The following SEC22A variants were observed in gnomAD, a reference collection of about 807,000 sequenced individuals.
SEC22A encodes the protein vesicle-trafficking protein SEC22a.
A neutral mutation model predicts 35.3 loss-of-function variants in SEC22A; 22 were observed. The observed-to-expected ratio is 0.62, with a 90% CI of 0.45 to 0.89. The LOEUF is 0.89. Among genes scored for constraint, SEC22A ranks in the 40% least tolerant of loss-of-function variants. The pLI is 0.00. For missense variants in SEC22A, 354 were observed against 362.5 expected (o/e 0.98, Z 0.19); for synonymous variants, 119 against 129.5 (o/e 0.92, Z 0.55).
chr3:123,226,730 T>G (rs74475554), intron 4 of SEC22A, among the ~76,000 whole-genome samples: 59 of 152,302 alleles, frequency 3.9e-4, no homozygotes, highest in African/African-American at 1.3e-3. Flanking sequence ...ATAATGCAAT[T>G]TGTCCACTTT....
chr3:123,269,459 T>C (rs1267404421), intron 6 of SEC22A, among the ~76,000 whole-genome samples: 1 of 151,890 alleles, frequency 6.6e-6, no homozygotes, highest in East Asian at 1.9e-4. Context: ...CCTTATTAAG[T>C]GATCTAATTT....
intron 3 of SEC22A, 79 bp downstream of exon 3, chr3:123,223,801 G>T: frequency 1.0e-6 from 1 of 1,004,836 alleles, no homozygotes; most frequent in Admixed American, 2.3e-5. Flanking sequence ...ATTGGGTGGA[G>T]GGGGGACTTC....
intron 3 of SEC22A, among the ~76,000 whole-genome samples, chr3:123,224,102 A>C (rs887577267): frequency 6.6e-6 from 1 of 152,212 alleles, no homozygotes; most frequent in Non-Finnish European, 1.5e-5. Flanking sequence ...TTTAAGGATC[A>C]TATAGTCCCT....
chr3:123,234,375 T>C (rs1937379629), intron 4 of SEC22A, among the ~76,000 whole-genome samples: 1 of 152,168 alleles, frequency 6.6e-6, no homozygotes, highest in Admixed American at 6.5e-5. Context: ...CCAAACTTAT[T>C]ACCAACCTAC....
At chr3:123,223,154 G>C (rs1937159007) in intron 2 of SEC22A, among the ~76,000 whole-genome samples, 1 of 152,182 alleles carries the variant, frequency 6.6e-6, no homozygotes, top group Non-Finnish European at 1.5e-5. Flanking sequence ...CTGTGTTCTG[G>C]CATCTTTCTA....
chr3:123,208,653 G>T (rs778875007), intron 1 of SEC22A: 1 of 152,810 alleles, frequency 6.5e-6, no homozygotes, highest in African/African-American at 2.4e-5. Context: ...CTGGATGGGG[G>T]ATGTTGCAGT....
intron 5 of SEC22A, among the ~76,000 whole-genome samples, chr3:123,248,358 A>G (rs891005578): frequency 6.6e-6 from 1 of 152,216 alleles, no homozygotes; most frequent in Non-Finnish European, 1.5e-5. Flanking sequence ...AATAGCAAAA[A>G]CCTGGGATTA....
intron 1 of SEC22A, among the ~76,000 whole-genome samples, chr3:123,207,819 G>A (rs6787080): frequency 0.045 from 6,781 of 152,240 alleles, 239 homozygotes; most frequent in African/African-American, 0.096. Context: ...TTTTTGTAAA[G>A]CAAGAAGAGA....
rs181353876 is a variant in SEC22A, at chr3:123,273,297, T to G, written c.*1575T>G. The stretch of plus-strand genomic sequence containing the variant: ...TTAACTAGAACCTTAGTCTGCACCC[T>G]CCTTTTAGGAGAATGAGGTAAAAGG... On this transcript the variant is annotated 3_prime_UTR_variant, in exon 7 of 7. Coordinates refer to ENST00000492595, the MANE Select transcript of SEC22A (RefSeq NM_012430.5). 6.6e-6 allele frequency: 1 copy of G among 152,232 alleles called. No individual in the cohort carries two copies. The highest frequency in any genetic ancestry group is 2.4e-5 in the African/African-American group (1 of 41,454). The allele number at this position is 152,232 out of a possible 1,614,324, so 9.4% of individuals were successfully genotyped here. A position where few individuals can be genotyped will look rare whatever the true frequency, so the allele number is the denominator to read the frequency against.
chr3:123,253,328 G>A (rs754910517), intron 5 of SEC22A, among the ~76,000 whole-genome samples: 8 of 152,168 alleles, frequency 5.3e-5, no homozygotes, highest in Non-Finnish European at 1.0e-4. Context: ...TTCTAAAATT[G>A]TTTGTAAAAG....
At chr3:123,223,960 TC>T (rs1460603749) in intron 3 of SEC22A, among the ~76,000 whole-genome samples, 7 of 152,204 alleles carry the variant, frequency 4.6e-5, no homozygotes, top group African/African-American at 1.7e-4. Flanking sequence ...GAGGATAACT[TC>T]TCAATGAGAA....
rs1938190890 is a variant in SEC22A, at chr3:123,272,381, T to C, written c.*659T>C. 6.6e-6 allele frequency: 1 copy of C among 152,242 alleles called. No individual in the cohort carries two copies. Among genetic ancestry groups the C allele is most frequent in the Admixed American group, 6.5e-5 (1 of 15,290 alleles). The allele number at this position is 152,242 out of a possible 1,614,324, so 9.4% of individuals were successfully genotyped here. On this transcript the variant is annotated 3_prime_UTR_variant, in exon 7 of 7. Coordinates refer to ENST00000492595, the MANE Select transcript of SEC22A (RefSeq NM_012430.5). ...TTTCCTTTCTAATCCACATTTATTG[T>C]TTCTTTTGAAATCACGTCTAAAAAA...
intron 6 of SEC22A, among the ~76,000 whole-genome samples, chr3:123,263,265 A>G (rs924603325): frequency 2.6e-5 from 4 of 152,246 alleles, no homozygotes; most frequent in Non-Finnish European, 5.9e-5. Context: ...CTGGAAGTCC[A>G]GATGCTGGCA....
At chr3:123,269,931 CAA>C (rs950953682) in intron 6 of SEC22A, among the ~76,000 whole-genome samples, 7 of 103,764 alleles carry the variant, frequency 6.7e-5, no homozygotes, top group African/African-American at 2.4e-4. Flanking sequence ...CATGCCTGGC[CAA>C]AAATTTTTTT....
At chr3:123,247,520 C>G (rs1195197467) in intron 5 of SEC22A, among the ~76,000 whole-genome samples, 1 of 152,072 alleles carries the variant, frequency 6.6e-6, no homozygotes, top group Non-Finnish European at 1.5e-5. Context: ...CTTTTTTTCT[C>G]CTCTGATTTA....
chr3:123,271,611 T>C lies in SEC22A; in HGVS notation c.813T>C (p.Tyr271=), dbSNP rs1053105566. 9 of 1,614,106 alleles carry C rather than the reference T, an allele frequency of 5.6e-6. No homozygotes were observed. Among genetic ancestry groups the C allele is most frequent in the Non-Finnish European group, 7.6e-6 (9 of 1,180,038 alleles). ...TCTGTCTATGCAACATGTATCTCTA[T>C]GAACTGCGCAACCTCTGGCAGCTTT... ...GLICLCNMYL[Y]ELRNLWQLFF... The change falls in exon 7 of 7, where the codon TAT becomes TAC. Residue 271 remains tyrosine (Y), a synonymous_variant. Transcript: ENST00000492595.
chr3:123,217,730 A>G (rs1937057498), intron 2 of SEC22A, among the ~76,000 whole-genome samples: 1 of 152,222 alleles, frequency 6.6e-6, no homozygotes. Flanking sequence ...TTGTAATACT[A>G]AATCATTTGC....
intron 3 of SEC22A, 91 bp downstream of exon 3, chr3:123,223,813 G>T: frequency 1.2e-6 from 1 of 864,654 alleles, no homozygotes; most frequent in East Asian, 2.5e-5. Flanking sequence ...GGGGACTTCT[G>T]CTATCTTGCT....
intron 4 of SEC22A, 27 bp from the exon 5 acceptor site, chr3:123,245,872 T>C (rs1937561830): frequency 1.5e-6 from 2 of 1,328,138 alleles, no homozygotes; most frequent in Non-Finnish European, 2.2e-6. Flanking sequence ...TTGGTGTTCA[T>C]TTCTAACTAT....
Sources: gnomAD v4.1 joint callset for allele counts (sites outside exome capture counted in the v4.1 genomes callset) on GRCh38, gnomAD v4.1.1 for gene constraint, MANE v1.5 for transcripts, NCBI Gene and HGNC (gene_info 2026-07-23, HGNC 2026-07-21) for gene names.